The following TPX2 variants were observed in gnomAD, a reference collection of about 807,000 sequenced individuals.
TPX2 encodes the protein TPX2 microtubule nucleation factor, also known as targeting protein for Xklp2.
In TPX2, 21 loss-of-function variants were observed where a neutral mutation model predicts 93.6. That is an observed-to-expected ratio of 0.22 (90% CI 0.16 to 0.32). The LOEUF (loss-of-function observed/expected upper bound fraction) is 0.32. Among genes scored for constraint, TPX2 ranks in the 10% least tolerant of loss-of-function variants. The pLI is 1.00. For synonymous variants in TPX2, 281 were observed against 298.3 expected (o/e 0.94, Z 0.60); for missense variants, 776 against 871.1 (o/e 0.89, Z 1.37).
At position 31,783,862 on chromosome 20, in the gene TPX2, G is replaced by A. The variant is rs760003376; in HGVS notation, c.1354G>A (p.Asp452Asn). 4 of 1,609,104 alleles carry A rather than the reference G, an allele frequency of 2.5e-6. No homozygotes were observed. Among genetic ancestry groups the A allele is most frequent in the South Asian group, 1.1e-5 (1 of 89,658 alleles). ...GCGAGAATCAAAGAAGAAAACAGAG[G>A]ATGAACACTTTGAATTTCATTCCAG... ...QERESKKKTEDEHFEFHSRPC... is the reference protein window; with the variant it reads ...QERESKKKTENEHFEFHSRPC... The change falls in exon 12 of 18, where the codon GAT becomes AAT. Residue 452 changes from aspartate (D) to asparagine (N), a missense_variant. Physicochemically the swap from Asp to Asn is conservative, Grantham distance 23 (BLOSUM62 1). Coordinates refer to ENST00000300403, the MANE Select transcript of TPX2 (RefSeq NM_012112.5).
chr20:31,782,933 A>C lies in TPX2; in HGVS notation c.1196+543A>C, dbSNP rs544644741. Among the ~76,000 whole-genome samples the C allele has an allele frequency of 2.8e-5, 4 of 143,682 alleles. No homozygotes were observed. The East Asian group carries it at 8.0e-4, about 29-fold the overall frequency. The allele number at this position is 143,682 out of a possible 152,430, so 94.3% of individuals were successfully genotyped here. On this transcript the variant is annotated intron_variant, in intron 11 of 17. Coordinates refer to ENST00000300403, the MANE Select transcript of TPX2 (RefSeq NM_012112.5). ...ACACACACACACACACACACACACA[A>C]AATCTAATCCAGAGGTTGCAGTAGA...
chr20:31,781,391 G>A (rs895789478), intron 10 of TPX2, among the ~76,000 whole-genome samples: 1 of 149,340 alleles, frequency 6.7e-6, no homozygotes, highest in African/African-American at 2.5e-5. Context: ...TCAGCCTCCC[G>A]AGTAGCTGAG....
intron 2 of TPX2, among the ~76,000 whole-genome samples, chr20:31,749,031 C>T (rs1042121977): frequency 4.0e-5 from 6 of 151,578 alleles, no homozygotes; most frequent in Non-Finnish European, 7.4e-5. Context: ...CTGCAACCTC[C>T]GCCTCCTGGG....
chr20:31,776,038 C>G (rs1292627732), intron 8 of TPX2, 50 bp downstream of exon 8: 3 of 453,546 alleles, frequency 6.6e-6, no homozygotes, highest in Non-Finnish European at 1.0e-5. Flanking sequence ...GTTCTTAACA[C>G]TCTTGGTAGG....
At chr20:31,794,786 GTGTGTA>G (rs1435517989) in intron 15 of TPX2, among the ~76,000 whole-genome samples, 3 of 151,084 alleles carry the variant, frequency 2.0e-5, no homozygotes, top group South Asian at 2.1e-4. Context: ...GTGTGTGTGT[GTGTGTA>G]TGTGTGTGTG....
At chr20:31,768,846 C>CA (rs145507138) in intron 5 of TPX2, among the ~76,000 whole-genome samples, 3,490 of 152,290 alleles carry the variant, frequency 0.023, 145 homozygotes, top group African/African-American at 0.079. Context: ...AAAATGTACT[C>CA]AGTTTCACTG....
intron 1 of TPX2, among the ~76,000 whole-genome samples, chr20:31,741,559 A>G (rs948039888): frequency 6.6e-6 from 1 of 151,304 alleles, no homozygotes; most frequent in African/African-American, 2.4e-5. Flanking sequence ...GCTCACTGCA[A>G]CCTCCGCCTC....
chr20:31,748,041 A>G (rs888782079), intron 2 of TPX2, among the ~76,000 whole-genome samples: 3 of 152,098 alleles, frequency 2.0e-5, no homozygotes, highest in African/African-American at 7.2e-5. Context: ...TACTTGTCCT[A>G]TCAGCCTTAA....
chr20:31,794,110 A>C, intron 14 of TPX2, 86 bp downstream of exon 14: 1 of 1,334,606 alleles, frequency 7.5e-7, no homozygotes, highest in Non-Finnish European at 1.0e-6. Flanking sequence ...TTAACTATAA[A>C]ATCACTGACT....
intron 10 of TPX2, among the ~76,000 whole-genome samples, chr20:31,781,501 G>A (rs534354973): frequency 2.0e-5 from 3 of 151,732 alleles, no homozygotes; most frequent in South Asian, 2.1e-4. Flanking sequence ...TCCTGACCTC[G>A]TGATCCCCCT....
At position 31,771,694 on chromosome 20, in the gene TPX2, T is replaced by A. The variant is rs748846843; in HGVS notation, c.608+12T>A. On this transcript the variant is annotated intron_variant, in intron 7 of 17. Coordinates refer to ENST00000300403, the MANE Select transcript of TPX2 (RefSeq NM_012112.5). ...ATGCCACCTGCAAAGTAAGTTTCTTTCCTGAATTTAAACTTTAGAATGAAT... is the reference window on the plus strand; with the variant it reads ...ATGCCACCTGCAAAGTAAGTTTCTTACCTGAATTTAAACTTTAGAATGAAT... 11 of 1,598,934 alleles carry A rather than the reference T, an allele frequency of 6.9e-6. No homozygotes were observed. The highest frequency in any genetic ancestry group is 9.4e-6 in the Non-Finnish European group (11 of 1,176,072).
intron 12 of TPX2, among the ~76,000 whole-genome samples, chr20:31,789,933 ATTACT>A (rs1331599395): frequency 2.0e-5 from 3 of 152,298 alleles, no homozygotes; most frequent in South Asian, 2.1e-4. Context: ...ACTTATTTCA[ATTACT>A]TTATTTTATT....
At chr20:31,785,628 G>A in intron 12 of TPX2, among the ~76,000 whole-genome samples, 1 of 152,020 alleles carries the variant, frequency 6.6e-6, no homozygotes, top group East Asian at 1.9e-4. Flanking sequence ...CTCCCGAGTA[G>A]TTGGGATTAC....
At chr20:31,762,142 A>C (rs1314448453) in intron 4 of TPX2, among the ~76,000 whole-genome samples, 2 of 152,118 alleles carry the variant, frequency 1.3e-5, no homozygotes, top group Non-Finnish European at 2.9e-5. Flanking sequence ...TCCCTTCTTG[A>C]ATGAATAGTT....
intron 3 of TPX2, 73 bp from the exon 4 acceptor site, chr20:31,759,984 C>T: frequency 6.3e-7 from 1 of 1,578,186 alleles, no homozygotes; most frequent in Non-Finnish European, 8.6e-7. Context: ...CTTTAGTTTG[C>T]ATTTTAAATG....
At chr20:31,790,153 ACAT>A (rs1322712917) in intron 12 of TPX2, among the ~76,000 whole-genome samples, 1 of 152,178 alleles carries the variant, frequency 6.6e-6, no homozygotes, top group Non-Finnish European at 1.5e-5. Context: ...TTTATGGTAA[ACAT>A]CATTTGACAA....
In TPX2 at chr20:31,778,830, A is replaced by G. The variant is rs200414300; in HGVS notation, c.900A>G (p.Gly300=). ...CTTTACAGGCCCGAGTGACTAAGGG[A>G]TGTACCATTGTTAAGCCTTTCAACC... The part of the protein sequence containing the change: ...HPSSPARVTK[G]CTIVKPFNLS... The change falls in exon 10 of 18, where the codon GGA becomes GGG. Residue 300 remains glycine, a synonymous_variant. Transcript: ENST00000300403. The G allele has an allele frequency of 5.0e-6, 8 of 1,592,238 alleles. No individual in the cohort carries two copies. The highest frequency in any genetic ancestry group is 1.4e-5 in the African/African-American group (1 of 73,848).
intron 11 of TPX2, 31 bp downstream of exon 11, chr20:31,782,421 G>A (rs1245865172): frequency 1.3e-6 from 2 of 1,577,064 alleles, no homozygotes; most frequent in Non-Finnish European, 1.7e-6. Context: ...CTGAGGAAGA[G>A]TTCCACGAAC....
chr20:31,799,940 G>A (rs1228117791), intron 17 of TPX2, among the ~76,000 whole-genome samples: 2 of 148,528 alleles, frequency 1.3e-5, no homozygotes, highest in Admixed American at 6.7e-5. Context: ...AGTTGTTGAG[G>A]TTTTGTCTAA....
Sources: allele counts gnomAD v4.1 joint callset (sites outside exome capture counted in the v4.1 genomes callset), GRCh38; gene constraint gnomAD v4.1.1; transcripts MANE v1.5; gene names NCBI Gene and HGNC (gene_info 2026-07-23, HGNC 2026-07-21).